COL24A1: variants seen among roughly 807,000 people sequenced by gnomAD.
The protein encoded by COL24A1 is collagen type XXIV alpha 1 chain.
A neutral mutation model predicts 253.9 loss-of-function variants in COL24A1; 224 were observed. The ratio of observed to expected loss-of-function variants is 0.88; its 90% CI spans 0.79 to 0.99. The LOEUF is 0.99. Among genes scored for constraint, COL24A1 ranks in the 50% least tolerant of loss-of-function variants. The probability of loss-of-function intolerance (pLI) is 0.00; values close to 1 mark genes in which losing one functional copy is unlikely to be tolerated. For missense variants in COL24A1, 2,131 were observed against 2,068.5 expected (o/e 1.03, Z -0.59); for synonymous variants, 685 against 673.7 (o/e 1.02, Z -0.26).
chr1:85,927,124 GAGCGACGCAGA>G, intron 24 of COL24A1, among the ~76,000 whole-genome samples: 1 of 152,300 alleles, frequency 6.6e-6, no homozygotes, highest in Non-Finnish European at 1.5e-5. Flanking sequence ...CTCCCAGCGT[GAGCGACGCAGA>G]AGACGGGTGA....
At chr1:85,894,327 T>C (rs1683436388) in intron 31 of COL24A1, among the ~76,000 whole-genome samples, 1 of 152,190 alleles carries the variant, frequency 6.6e-6, no homozygotes, top group South Asian at 2.1e-4. Context: ...CCAGGTAAGG[T>C]TACAAACCAG....
chr1:85,891,053 T>A (rs1429114913), intron 31 of COL24A1, among the ~76,000 whole-genome samples: 1 of 151,704 alleles, frequency 6.6e-6, no homozygotes, highest in African/African-American at 2.4e-5. Context: ...TGCATCTTTT[T>A]TTCTTTTTTT....
intron 14 of COL24A1, among the ~76,000 whole-genome samples, chr1:86,028,785 C>G (rs1403400202): frequency 1.3e-5 from 2 of 152,154 alleles, no homozygotes; most frequent in Non-Finnish European, 2.9e-5. Context: ...ATGTGCCAGA[C>G]AGTGTGCTAA....
In COL24A1 at chr1:85,904,037, C is replaced by T. The variant is rs552218675; in HGVS notation, c.2778+3157G>A. Reference sequence around the variant, plus strand: ...TGCGAAAATTGAGGACTGCTTCCCCCTATATGGTAAGCATTTCCTTGAAAG... The same window carrying T: ...TGCGAAAATTGAGGACTGCTTCCCCTTATATGGTAAGCATTTCCTTGAAAG... On this transcript the variant is annotated intron_variant, in intron 28 of 59. Transcript: ENST00000370571. 6.6e-5 allele frequency among the ~76,000 whole-genome samples: 10 copies of T among 152,264 alleles called. No homozygotes were observed. In the South Asian group the frequency reaches 2.1e-3, roughly 32 times the overall value.
At chr1:85,919,040 CT>C (rs967529771) in intron 24 of COL24A1, among the ~76,000 whole-genome samples, 3 of 151,396 alleles carry the variant, frequency 2.0e-5, no homozygotes, top group Middle Eastern at 3.4e-3. Flanking sequence ...ATATGTACCA[CT>C]TTTTTTTTAA....
chr1:85,909,954 A>AC lies in COL24A1; in HGVS notation c.2665dup (p.Val889GlyfsTer35). 2 of 1,609,532 alleles carry AC rather than the reference A, an allele frequency of 1.2e-6. No homozygotes were observed. Among genetic ancestry groups the AC allele is most frequent in the Non-Finnish European group, 1.7e-6 (2 of 1,176,318 alleles). On this transcript the variant is annotated frameshift_variant, in exon 26 of 60. Transcript: ENST00000370571. LOFTEE classifies it high-confidence loss of function. ...TTCAAATCACTGAGCTCTTACCATA[A>AC]CACCTTTTTCTCCCTGCGGACCTAG...
At chr1:85,864,085 AAAAAC>A (rs1389767623) in intron 37 of COL24A1, among the ~76,000 whole-genome samples, 1 of 152,208 alleles carries the variant, frequency 6.6e-6, no homozygotes, top group Non-Finnish European at 1.5e-5. Context: ...AAGCTGCTAT[AAAAAC>A]ACATGCACAC....
At chr1:85,767,776 C>G (rs1480348159) in intron 53 of COL24A1, among the ~76,000 whole-genome samples, 2 of 151,938 alleles carry the variant, frequency 1.3e-5, no homozygotes, top group Non-Finnish European at 2.9e-5. Flanking sequence ...ACTAAAAACT[C>G]TAAAAAGCAT....
At chr1:86,036,003 C>T (rs1159328468) in intron 12 of COL24A1, among the ~76,000 whole-genome samples, 3 of 152,080 alleles carry the variant, frequency 2.0e-5, no homozygotes, top group Admixed American at 6.6e-5. Context: ...TTTCTACAAC[C>T]AGCAGAAAAA....
intron 19 of COL24A1, among the ~76,000 whole-genome samples, chr1:86,009,962 A>G (rs1172225831): frequency 6.7e-6 from 1 of 149,098 alleles, no homozygotes; most frequent in Non-Finnish European, 1.5e-5. Context: ...ATGATACTGA[A>G]GCAAAGACAG....
At chr1:85,844,395 G>A (rs1570886627) in intron 39 of COL24A1, among the ~76,000 whole-genome samples, 2 of 151,904 alleles carry the variant, frequency 1.3e-5, no homozygotes, top group Admixed American at 6.6e-5. Context: ...ATAAAAATAC[G>A]GGAATATGGC....
At chr1:85,796,435 T>C (rs140503840) in intron 47 of COL24A1, among the ~76,000 whole-genome samples, 168 of 152,306 alleles carry the variant, frequency 1.1e-3, no homozygotes, top group African/African-American at 3.8e-3. Flanking sequence ...TGAAAGAAGA[T>C]GTTTCATCTA....
At chr1:85,789,324 G>A (rs182066561) in intron 47 of COL24A1, among the ~76,000 whole-genome samples, 1 of 152,046 alleles carries the variant, frequency 6.6e-6, no homozygotes, top group Non-Finnish European at 1.5e-5. Context: ...TGTAGCAATT[G>A]TGAATGGGAG....
At chr1:86,089,144 A>G (rs750653794) in intron 7 of COL24A1, 30 bp downstream of exon 7, 1 of 1,557,994 alleles carries the variant, frequency 6.4e-7, no homozygotes, top group South Asian at 1.2e-5. Flanking sequence ...AAAAGAAGAA[A>G]AAAAGAAAAG....
intron 24 of COL24A1, among the ~76,000 whole-genome samples, chr1:85,916,306 A>C (rs1685891247): frequency 6.6e-6 from 1 of 152,122 alleles, no homozygotes; most frequent in Non-Finnish European, 1.5e-5. Context: ...AGGGCATCTG[A>C]GTTTTTTACT....
chr1:85,730,783 T>C, intron 59 of COL24A1, 91 bp from the exon 60 acceptor site: 1 of 1,355,562 alleles, frequency 7.4e-7, no homozygotes. Context: ...TGAACTTGTT[T>C]TAAGGATTAG....
At chr1:85,817,849 C>A (rs535842064) in intron 46 of COL24A1, among the ~76,000 whole-genome samples, 185 bp downstream of exon 46, 2 of 152,136 alleles carry the variant, frequency 1.3e-5, no homozygotes, top group Non-Finnish European at 2.9e-5. Context: ...ATTTAAACAG[C>A]AAGTTTGGTT....
intron 55 of COL24A1, among the ~76,000 whole-genome samples, chr1:85,756,505 A>C (rs1279937709): frequency 6.6e-6 from 1 of 152,224 alleles, no homozygotes; most frequent in Non-Finnish European, 1.5e-5. Flanking sequence ...GAAAACCACA[A>C]TGAGATACCG....
At chr1:86,014,081 C>A (rs1696782343) in intron 19 of COL24A1, among the ~76,000 whole-genome samples, 1 of 152,134 alleles carries the variant, frequency 6.6e-6, no homozygotes, top group African/African-American at 2.4e-5. Flanking sequence ...TACAGTTATG[C>A]TGTGTATAAC....
Sources: allele counts gnomAD v4.1 joint callset (sites outside exome capture counted in the v4.1 genomes callset), GRCh38; gene constraint gnomAD v4.1.1; transcripts MANE v1.5; gene names NCBI Gene and HGNC (gene_info 2026-07-23, HGNC 2026-07-21).